PARD3B: variants seen among roughly 807,000 people sequenced by gnomAD.
The protein encoded by PARD3B is par-3 family cell polarity regulator beta, also known as partitioning defective 3 homolog B.
In PARD3B, 103 loss-of-function variants were observed where a neutral mutation model predicts 130.2. The ratio of observed to expected loss-of-function variants is 0.79; its 90% CI spans 0.67 to 0.93. PARD3B has a LOEUF of 0.93. Ranked by LOEUF, PARD3B falls within the 40% of genes least tolerant of loss-of-function variation. The pLI, the probability that PARD3B is intolerant of heterozygous loss-of-function variation, is 0.00. For missense variants in PARD3B, 1,609 were observed against 1,499.2 expected (o/e 1.07, Z -1.21); for synonymous variants, 583 against 553.2 (o/e 1.05, Z -0.76).
At chr2:204,682,865 T>G (rs1450353702) in intron 1 of PARD3B, among the ~76,000 whole-genome samples, 1 of 152,236 alleles carries the variant, frequency 6.6e-6, no homozygotes, top group Non-Finnish European at 1.5e-5. Context: ...TGGAAAATTA[T>G]TGTACTTCAA....
intron 2 of PARD3B, among the ~76,000 whole-genome samples, chr2:204,863,728 A>T (rs2045304657): frequency 6.6e-6 from 1 of 152,232 alleles, no homozygotes; most frequent in Non-Finnish European, 1.5e-5. Context: ...TGGGATAAGC[A>T]TGGATCTCAA....
intron 20 of PARD3B, among the ~76,000 whole-genome samples, chr2:205,498,543 A>T (rs1314800138): frequency 6.6e-6 from 1 of 152,134 alleles, no homozygotes; most frequent in African/African-American, 2.4e-5. Context: ...ACTCACTTTT[A>T]TTCGAATTTG....
At chr2:204,871,832 G>A (rs1436608052) in intron 2 of PARD3B, among the ~76,000 whole-genome samples, 2 of 152,038 alleles carry the variant, frequency 1.3e-5, no homozygotes, top group East Asian at 1.9e-4. Flanking sequence ...AAGGCCAGTG[G>A]CTCTTCTTCA....
chr2:205,418,100 T>C (rs1237265337), intron 19 of PARD3B, among the ~76,000 whole-genome samples: 1 of 152,194 alleles, frequency 6.6e-6, no homozygotes, highest in Non-Finnish European at 1.5e-5. Flanking sequence ...CCTAAAAGCT[T>C]ATAAGAAAAA....
intron 18 of PARD3B, among the ~76,000 whole-genome samples, chr2:205,379,804 T>G (rs1450688674): frequency 1.3e-5 from 2 of 152,036 alleles, no homozygotes; most frequent in Non-Finnish European, 2.9e-5. Context: ...GTGCAGTGGC[T>G]CACACTTATA....
At position 204,673,781 on chromosome 2, in the gene PARD3B, A is replaced by G. The variant is rs1283211123; in HGVS notation, c.121-12400A>G. Among the ~76,000 whole-genome samples, 1 of 152,198 alleles carries G rather than the reference A, an allele frequency of 6.6e-6. No homozygotes were observed. Among genetic ancestry groups the G allele is most frequent in the African/African-American group, 2.4e-5 (1 of 41,454 alleles). ...ATTCACGTATGTATTTTGTTTGTTA[A>G]TTATTGTCTTCTCCCTTCACTAAAA... On this transcript the variant is annotated intron_variant, in intron 1 of 22. Transcript: ENST00000406610. The surrounding 1 kb of genome is among the most constrained non-coding windows in gnomAD (Gnocchi z 4.7).
At chr2:205,577,978 C>T (rs1004486738) in intron 22 of PARD3B, among the ~76,000 whole-genome samples, 5 of 152,184 alleles carry the variant, frequency 3.3e-5, no homozygotes, top group Non-Finnish European at 7.3e-5. Context: ...AGGCTGCAGG[C>T]ATATACCTAA....
At position 204,716,261 on chromosome 2, in the gene PARD3B, C is replaced by CA. The variant is rs138380753; in HGVS notation, c.222+29980dup. Among the ~76,000 whole-genome samples, 1,956 of 152,198 alleles carry CA rather than the reference C, an allele frequency of 0.013. 76 individuals carry two copies. The East Asian group carries it at 0.14, about 11-fold the overall frequency. ...GTTAACAGTGTAGTGCCTTGCTACT[C>CA]AGAGTGTGGGCCACAGATCAGCAAC... On this transcript the variant is annotated intron_variant, in intron 2 of 22. Transcript: ENST00000406610.
At chr2:204,774,734 A>G (rs1044606272) in intron 2 of PARD3B, among the ~76,000 whole-genome samples, 6 of 152,136 alleles carry the variant, frequency 3.9e-5, no homozygotes, top group Non-Finnish European at 5.9e-5. Flanking sequence ...CATAAGCCCT[A>G]CTATGAAAAT....
intron 2 of PARD3B, among the ~76,000 whole-genome samples, chr2:204,723,731 C>T (rs539647032): frequency 6.6e-6 from 1 of 152,002 alleles, no homozygotes; most frequent in African/African-American, 2.4e-5. Context: ...CAGTGAGGGG[C>T]AGGATGATGG....
chr2:205,047,156 A>G (rs1165688034), intron 3 of PARD3B, among the ~76,000 whole-genome samples: 1 of 152,214 alleles, frequency 6.6e-6, no homozygotes, highest in African/African-American at 2.4e-5. Context: ...AGATTTGGAA[A>G]GCACCAAATG....
intron 18 of PARD3B, among the ~76,000 whole-genome samples, chr2:205,360,384 G>C (rs2044346215): frequency 1.3e-5 from 2 of 152,062 alleles, no homozygotes. Flanking sequence ...TTCATTAGAG[G>C]TGGTTATACT....
At chr2:205,614,731 G>T (rs1394143752) in intron 22 of PARD3B, among the ~76,000 whole-genome samples, 1 of 150,356 alleles carries the variant, frequency 6.7e-6, no homozygotes, top group Non-Finnish European at 1.5e-5. Flanking sequence ...AAAAAAAAAA[G>T]AGCTCTAGGT....
intron 2 of PARD3B, among the ~76,000 whole-genome samples, chr2:204,795,083 C>A (rs975453877): frequency 2.0e-5 from 3 of 152,040 alleles, no homozygotes; most frequent in Admixed American, 6.6e-5. Context: ...AAACAATGAT[C>A]GGGTTAAATG....
chr2:205,007,226 G>A (rs1160317776), intron 3 of PARD3B, among the ~76,000 whole-genome samples: 2 of 152,128 alleles, frequency 1.3e-5, no homozygotes, highest in East Asian at 1.9e-4. Flanking sequence ...CACCGTGATT[G>A]TAAGTTTTCT....
intron 2 of PARD3B, among the ~76,000 whole-genome samples, chr2:204,711,379 A>G (rs1303927135): frequency 6.6e-6 from 1 of 152,194 alleles, no homozygotes; most frequent in Non-Finnish European, 1.5e-5. Context: ...TGTAAATTAC[A>G]TATTAAATGT....
At chr2:204,637,730 CT>C (rs796534134) in intron 1 of PARD3B, among the ~76,000 whole-genome samples, 475 of 143,238 alleles carry the variant, frequency 3.3e-3, no homozygotes, top group East Asian at 0.022. Context: ...TTGGTTACAG[CT>C]TTTTTTTTTT....
At chr2:205,556,872 C>T (rs1306430411) in intron 22 of PARD3B, among the ~76,000 whole-genome samples, 1 of 152,156 alleles carries the variant, frequency 6.6e-6, no homozygotes, top group Non-Finnish European at 1.5e-5. Context: ...TGTGTTTTTG[C>T]AAACGGCTCC....
intron 2 of PARD3B, among the ~76,000 whole-genome samples, chr2:204,701,976 C>G (rs923294196): frequency 6.6e-6 from 1 of 152,134 alleles, no homozygotes; most frequent in African/African-American, 2.4e-5. Flanking sequence ...CTCCCACTTA[C>G]AAGTGAAAAC....
Sources: gnomAD v4.1 joint callset for allele counts (sites outside exome capture counted in the v4.1 genomes callset) on GRCh38, gnomAD v4.1.1 for gene constraint, Gnocchi (gnomAD v3.1) non-coding constraint, MANE v1.5 for transcripts, NCBI Gene and HGNC (gene_info 2026-07-23, HGNC 2026-07-21) for gene names.